Variants in TNIK observed in about 807,000 individuals in gnomAD.
TNIK encodes TRAF2 and NCK-interacting protein kinase.
TNIK carries 49 observed loss-of-function variants against 191.3 expected under a neutral mutation model. The ratio of observed to expected loss-of-function variants is 0.26; its 90% CI spans 0.20 to 0.32. The LOEUF (loss-of-function observed/expected upper bound fraction) is 0.32. Ranked by LOEUF, TNIK falls within the 10% of genes least tolerant of loss-of-function variation. TNIK has a pLI of 1.00. For synonymous variants in TNIK, 594 were observed against 600.9 expected, an observed-to-expected ratio of 0.99 and a Z score of 0.17; for missense variants, 1,155 against 1,702.3, an observed-to-expected ratio of 0.68 and a Z score of 5.66.
chr3:171,306,437 C>A (rs756535274), intron 2 of TNIK, among the ~76,000 whole-genome samples: 2 of 152,126 alleles, frequency 1.3e-5, no homozygotes, highest in Non-Finnish European at 1.5e-5. Flanking sequence ...CTTTCACCAA[C>A]TTTGCATCAC....
chr3:171,093,650 C>T (rs1484068565), intron 23 of TNIK, among the ~76,000 whole-genome samples, 189 bp downstream of exon 23: 1 of 152,198 alleles, frequency 6.6e-6, no homozygotes, highest in Non-Finnish European at 1.5e-5. Flanking sequence ...ACTGCCAGAG[C>T]TTAGAAGAAT....
intron 3 of TNIK, among the ~76,000 whole-genome samples, chr3:171,216,155 G>A (rs1030461081): frequency 8.5e-5 from 13 of 152,300 alleles, no homozygotes; most frequent in East Asian, 3.9e-4. Flanking sequence ...CACAGGCTAC[G>A]AGAATTTGAA....
chr3:171,257,796 A>G (rs768297375), intron 2 of TNIK, among the ~76,000 whole-genome samples: 8 of 152,208 alleles, frequency 5.3e-5, no homozygotes, highest in African/African-American at 1.9e-4. Context: ...CTACTTTTTC[A>G]TCCCAGCTCA....
intron 1 of TNIK, among the ~76,000 whole-genome samples, chr3:171,448,934 G>T (rs1727847107): frequency 6.6e-6 from 1 of 151,948 alleles, no homozygotes; most frequent in Admixed American, 6.6e-5. Context: ...CCCGGTGTGT[G>T]TTATTCCCCT....
At chr3:171,154,276 AT>A (rs1185785118) in intron 12 of TNIK, among the ~76,000 whole-genome samples, 3 of 144,032 alleles carry the variant, frequency 2.1e-5, no homozygotes, top group Non-Finnish European at 4.6e-5. Flanking sequence ...AAAAAAAAAA[AT>A]TCATGGGATG....
intron 2 of TNIK, among the ~76,000 whole-genome samples, chr3:171,260,189 T>C (rs1747424177): frequency 6.6e-6 from 1 of 152,040 alleles, no homozygotes. Flanking sequence ...TCCCCCTTAA[T>C]CCTGAAGTTT....
intron 2 of TNIK, among the ~76,000 whole-genome samples, chr3:171,346,646 G>A (rs6771378): frequency 0.076 from 11,581 of 152,112 alleles, 1,234 homozygotes; most frequent in African/African-American, 0.24. Flanking sequence ...AAGCCCAAAC[G>A]GGGCCTGGGA....
intron 15 of TNIK, among the ~76,000 whole-genome samples, chr3:171,130,839 A>T (rs1213896881): frequency 6.6e-6 from 1 of 152,212 alleles, no homozygotes; most frequent in South Asian, 2.1e-4. Context: ...AGAGTGAGGA[A>T]TACTTGTAAT....
Position 171,237,981 on chromosome 3 carries a change from A to G in TNIK, c.124-9760T>C, listed in dbSNP as rs1744504233. 1.1e-4 allele frequency among the ~76,000 whole-genome samples: 16 copies of G among 152,296 alleles called. No homozygotes were observed. The South Asian group carries it at 3.1e-3, about 30-fold the overall frequency. ...AGCAACATTCTTTAACAGTCCCATT[A>G]CAAAAGGAGAACCTGGTCCATATTG... On this transcript the variant is annotated intron_variant, in intron 2 of 32. Transcript: ENST00000436636.
chr3:171,253,589 T>TCCCCCCCCCCCCCCCC (rs67388870), intron 2 of TNIK, among the ~76,000 whole-genome samples: 8 of 121,536 alleles, frequency 6.6e-5, no homozygotes, highest in Admixed American at 1.8e-4. Flanking sequence ...AGAAGACAGG[T>TCCCCCCCCCCCCCCCC]CCCCCCCCCA....
chr3:171,188,024 G>A lies in TNIK; in HGVS notation c.639+678C>T, dbSNP rs539780499. Among the ~76,000 whole-genome samples, 8 of 152,338 alleles carry A rather than the reference G, an allele frequency of 5.3e-5. No individual in the cohort carries two copies. The East Asian group carries it at 1.5e-3, about 29-fold the overall frequency. On this transcript the variant is annotated intron_variant, in intron 7 of 32. Coordinates refer to ENST00000436636, the MANE Select transcript of TNIK (RefSeq NM_015028.4). ...ACCTGAAAGTCCAGACAATAAACCT[G>A]AGGGGCAATAATGCAAAATTATGTT...
chr3:171,112,363 G>C (rs1725978137), intron 18 of TNIK, among the ~76,000 whole-genome samples: 1 of 152,180 alleles, frequency 6.6e-6, no homozygotes, highest in Admixed American at 6.5e-5. Flanking sequence ...TTCCTGACCA[G>C]CTACTGGATG....
chr3:171,218,262 C>T (rs1489710716), intron 3 of TNIK, among the ~76,000 whole-genome samples: 1 of 152,102 alleles, frequency 6.6e-6, no homozygotes, highest in Non-Finnish European at 1.5e-5. Flanking sequence ...CCTGCTTTCT[C>T]TTACAATGAA....
intron 2 of TNIK, among the ~76,000 whole-genome samples, chr3:171,367,536 A>G (rs1715911558): frequency 6.6e-6 from 1 of 152,006 alleles, no homozygotes; most frequent in South Asian, 2.1e-4. Flanking sequence ...GTGGCAAGAT[A>G]TCGGCTCACC....
intron 1 of TNIK, among the ~76,000 whole-genome samples, chr3:171,428,527 G>C (rs1389518799): frequency 6.6e-6 from 1 of 152,044 alleles, no homozygotes. Context: ...GCTTTCTGCT[G>C]TCCTAATCTC....
intron 2 of TNIK, among the ~76,000 whole-genome samples, chr3:171,317,413 A>G (rs1360101500): frequency 1.3e-5 from 2 of 152,176 alleles, no homozygotes; most frequent in African/African-American, 4.8e-5. Flanking sequence ...GGACTGCTCA[A>G]TGGCTGAAAT....
At chr3:171,084,471 T>C in intron 25 of TNIK, 146 bp from the exon 26 acceptor site, 2 of 968,664 alleles carry the variant, frequency 2.1e-6, no homozygotes, top group Non-Finnish European at 3.0e-6. Flanking sequence ...TTTTACACTT[T>C]TTTTTTGTTT....
At chr3:171,097,401 G>T (rs1722872323) in intron 22 of TNIK, among the ~76,000 whole-genome samples, 1 of 152,206 alleles carries the variant, frequency 6.6e-6, no homozygotes, top group Non-Finnish European at 1.5e-5. Context: ...AATACTGGAT[G>T]TGCACAATTA....
intron 2 of TNIK, among the ~76,000 whole-genome samples, chr3:171,274,363 A>T (rs1180082991): frequency 2.0e-5 from 3 of 152,214 alleles, no homozygotes; most frequent in African/African-American, 7.2e-5. Flanking sequence ...ACTCTCTCTC[A>T]GGTTGCTTAT....
Sources: allele counts gnomAD v4.1 joint callset (sites outside exome capture counted in the v4.1 genomes callset), GRCh38; gene constraint gnomAD v4.1.1; transcripts MANE v1.5; gene names NCBI Gene and HGNC (gene_info 2026-07-23, HGNC 2026-07-21).